WDR87: variants seen among roughly 807,000 people sequenced by gnomAD.
WDR87 encodes WD repeat-containing protein 87.
WDR87 carries 56 observed loss-of-function variants against 83.3 expected under a neutral mutation model. The observed-to-expected ratio is 0.67, with a 90% CI of 0.54 to 0.84. The LOEUF is 0.84. WDR87 is among the 40% of genes least tolerant of loss of function. The probability of loss-of-function intolerance (pLI) is 0.00; values close to 1 mark genes in which losing one functional copy is unlikely to be tolerated. For missense variants in WDR87, 2,939 were observed against 3,431.9 expected, an observed-to-expected ratio of 0.86 and a Z score of 3.59; for synonymous variants, 1,173 against 1,250.6, an observed-to-expected ratio of 0.94 and a Z score of 1.31.
chr19:37,886,532 T>C lies in WDR87; in HGVS notation c.7139A>G (p.Lys2380Arg). 1.3e-6 allele frequency: 2 copies of C among 1,502,836 alleles called. No individual in the cohort carries two copies. Among genetic ancestry groups the C allele is most frequent in the Non-Finnish European group, 1.8e-6 (2 of 1,131,336 alleles). 93.1% of individuals were successfully genotyped at this position (1,502,836 alleles called of 1,614,324 possible). A position where few individuals can be genotyped will look rare whatever the true frequency, so the allele number is the denominator to read the frequency against. ...CSLEEEVDREKEILKKEKQFK... is the reference protein window; with the variant it reads ...CSLEEEVDREREILKKEKQFK... ...TTGTTTTTCTTTTTTTAAGATCTCTTTTTCCCTGTCCACCTCTTCTTCCAA... is the reference window on the plus strand; with the variant it reads ...TTGTTTTTCTTTTTTTAAGATCTCTCTTTCCCTGTCCACCTCTTCTTCCAA... The change falls in exon 6 of 6, where the codon AAA becomes AGA. Residue 2380 changes from lysine to arginine, a missense_variant. Physicochemically the swap from Lys to Arg is conservative, Grantham distance 26. Transcript: ENST00000447313.
chr19:37,889,465 G>C lies in WDR87; in HGVS notation c.4206C>G (p.Thr1402=), dbSNP rs1297681747. 3.9e-6 allele frequency: 6 copies of C among 1,551,482 alleles called. No homozygotes were observed. Among genetic ancestry groups the C allele is most frequent in the African/African-American group, 2.7e-5 (2 of 72,958 alleles). The change falls in exon 6 of 6, where the codon ACC becomes ACG. Residue 1402 remains threonine (T), a synonymous_variant. Coordinates refer to ENST00000447313, the MANE Select transcript of WDR87 (RefSeq NM_001291088.2). The part of the protein sequence containing the change: ...KARDMLGLEE[T]QVILKKGKKV... ...TCTTGCCCTTTTTCAAAATCACTTG[G>C]GTTTCCTCCAAGCCCAGCATGTCTC... is the stretch of plus-strand genomic sequence containing the variant.
Position 37,893,595 on chromosome 19 carries a change from A to G in WDR87, c.2108T>C (p.Ile703Thr), listed in dbSNP as rs1477387873. 5 of 1,552,044 alleles carry G rather than the reference A, an allele frequency of 3.2e-6. No individual in the cohort carries two copies. Among genetic ancestry groups the G allele is most frequent in the Middle Eastern group, 1.7e-4 (1 of 5,994 alleles). ...CTCAAAGGAGAAGAAGAAGCTTGGTATGAAAGGCTTAGGGACTTCCAGTAC... is the reference window on the plus strand; with the variant it reads ...CTCAAAGGAGAAGAAGAAGCTTGGTGTGAAAGGCTTAGGGACTTCCAGTAC... ...DEVLEVPKPF[I>T]PSFFFSFETM... The change falls in exon 4 of 6, where the codon ATA (isoleucine) becomes ACA (threonine). Residue 703 changes from isoleucine to threonine, a missense_variant. Transcript: ENST00000447313.
chr19:37,906,107 C>T (rs1158346071), intron 1 of WDR87, among the ~76,000 whole-genome samples: 2 of 152,182 alleles, frequency 1.3e-5, no homozygotes, highest in East Asian at 3.8e-4. Flanking sequence ...TTGACTCCGG[C>T]TTCTCCACCA....
intron 1 of WDR87, 130 bp from the exon 2 acceptor site, chr19:37,898,415 C>G: frequency 3.4e-6 from 4 of 1,191,538 alleles, no homozygotes; most frequent in Non-Finnish European, 4.5e-6. Context: ...ACAAGACATA[C>G]CTTCTCATTT....
chr19:37,898,392 T>G, intron 1 of WDR87, 107 bp from the exon 2 acceptor site: 1 of 1,374,004 alleles, frequency 7.3e-7, no homozygotes, highest in East Asian at 2.5e-5. Context: ...CTTCTGAAAG[T>G]CAGGAACTGT....
At chr19:37,905,141 A>G (rs1339733775) in intron 1 of WDR87, among the ~76,000 whole-genome samples, 4 of 151,382 alleles carry the variant, frequency 2.6e-5, no homozygotes, top group Non-Finnish European at 5.9e-5. Flanking sequence ...CTGAGGCAGG[A>G]GAGTCACTTG....
chr19:37,888,926 T>A lies in WDR87; in HGVS notation c.4745A>T (p.Glu1582Val), dbSNP rs182325197. 286 of 1,552,278 alleles carry A rather than the reference T, an allele frequency of 1.8e-4. No homozygotes were observed. In the African/African-American group the frequency reaches 3.5e-3, roughly 19 times the overall value. Residue 1582 changes from glutamate to valine, a missense_variant, in exon 6 of 6, where the codon GAA becomes GTA. Physicochemically the swap from Glu to Val is moderately radical, Grantham distance 121 (BLOSUM62 -2). This residue lies in a region of WDR87 where 2,160 missense variants were observed against 2,533.1 expected (regional missense o/e 0.85). Transcript: ENST00000447313. The part of the protein sequence containing the change: ...SKEQQYKDEE[E>V]VTLEEEVSRE... ...AGACACTTCTTCCTCCAAAGTCACT[T>A]CTTCCTCATCCTTGTACTGTTGCTC... is the stretch of plus-strand genomic sequence containing the variant.
Position 37,885,766 on chromosome 19 carries a change from T to C in WDR87, c.7905A>G (p.Pro2635=). 1 of 1,551,772 alleles carries C rather than the reference T, an allele frequency of 6.4e-7. No homozygotes were observed. The highest frequency in any genetic ancestry group is 8.7e-7 in the Non-Finnish European group (1 of 1,147,000). The change falls in exon 6 of 6, where the codon CCA becomes CCG. Residue 2635 remains proline, a synonymous_variant. Coordinates refer to ENST00000447313, the MANE Select transcript of WDR87 (RefSeq NM_001291088.2). ...TRISSRQSMS[P]KYLKVIPPIK... Reference sequence around the variant, plus strand: ...TAGGAGGAATCACTTTCAGGTATTTTGGACTCATGGACTGTCTACTTGAGA... The same window carrying C: ...TAGGAGGAATCACTTTCAGGTATTTCGGACTCATGGACTGTCTACTTGAGA...
Position 37,893,682 on chromosome 19 carries a change from C to T in WDR87, c.2021G>A (p.Cys674Tyr), listed in dbSNP as rs2046227814. Residue 674 changes from cysteine (C) to tyrosine (Y), a missense_variant, in exon 4 of 6, where the codon TGT becomes TAT. Cys to Tyr is a radical substitution (Grantham distance 194). Coordinates refer to ENST00000447313, the MANE Select transcript of WDR87 (RefSeq NM_001291088.2). The part of the protein sequence containing the change: ...TFNQSLYLVS[C>Y]LKLLPPALLT... The stretch of plus-strand genomic sequence containing the variant: ...CAGGGCTGGGGGAAGCAATTTTAAA[C>T]AGGACACTAGGTAAAGACTCTGGTT... 1 of 1,552,016 alleles carries T rather than the reference C, an allele frequency of 6.4e-7. No homozygotes were observed. Among genetic ancestry groups the T allele is most frequent in the Non-Finnish European group, 8.7e-7 (1 of 1,147,104 alleles).
Position 37,886,806 on chromosome 19 carries a change from C to A in WDR87, c.6865G>T (p.Glu2289Ter). ...QESLSSEEEE[E>*]REEEEEREEE... ...TCCCTTTCCTCTTCTTCCTCCCTTT[C>A]CTCCTCCTCCTCAGAAGACAAACTC... The change falls in exon 6 of 6, where the codon GAA becomes TAA. Residue 2289 changes from glutamate to a stop codon, truncating the protein, a stop_gained. Transcript: ENST00000447313. LOFTEE classifies it low-confidence loss of function (END_TRUNC). The A allele has an allele frequency of 6.5e-7, 1 of 1,545,570 alleles. No homozygotes were observed. Among genetic ancestry groups the A allele is most frequent in the Non-Finnish European group, 8.7e-7 (1 of 1,144,168 alleles).
In WDR87 at chr19:37,886,769, T is replaced by C. The variant is rs7252765; in HGVS notation, c.6902A>G (p.Glu2301Gly). 1.3e-6 allele frequency: 2 copies of C among 1,486,138 alleles called. No individual in the cohort carries two copies. Among genetic ancestry groups the C allele is most frequent in the Non-Finnish European group, 1.8e-6 (2 of 1,101,754 alleles). The allele number at this position is 1,486,138 out of a possible 1,614,324, so 92.1% of individuals were successfully genotyped here. A position where few individuals can be genotyped will look rare whatever the true frequency, so the allele number is the denominator to read the frequency against. ...EEEEEREEEE[E>G]REEEEERKEE... ...CTTCCTTTCCTCCTCCTCCTCCCTT[T>C]CCTCCTCCTCCTCCCTTTCCTCTTC... Residue 2301 changes from glutamate (E) to glycine (G), a missense_variant, in exon 6 of 6, where the codon GAA (glutamate) becomes GGA (glycine). Coordinates refer to ENST00000447313, the MANE Select transcript of WDR87 (RefSeq NM_001291088.2).
chr19:37,887,765 A>G lies in WDR87; in HGVS notation c.5906T>C (p.Leu1969Ser), dbSNP rs1176283807. 1 of 1,551,770 alleles carries G rather than the reference A, an allele frequency of 6.4e-7. No homozygotes were observed. Among genetic ancestry groups the G allele is most frequent in the Non-Finnish European group, 8.7e-7 (1 of 1,147,072 alleles). Residue 1969 changes from leucine to serine, a missense_variant, in exon 6 of 6, where the codon TTG becomes TCG. Physicochemically the swap from Leu to Ser is moderately radical, Grantham distance 145. This residue lies in a region of WDR87 where 2,160 missense variants were observed against 2,533.1 expected (regional missense o/e 0.85). Transcript: ENST00000447313. The stretch of plus-strand genomic sequence containing the variant: ...AGCTAATTTCATTTTTTCCTGGGCC[A>G]ATTTCTCCTGTTTTTTGGCCAAACT... ...EDSLAKKQEK[L>S]AQEKMKLALE...
At chr19:37,892,339 G>A (rs1026161738) in intron 4 of WDR87, among the ~76,000 whole-genome samples, 7 of 152,140 alleles carry the variant, frequency 4.6e-5, no homozygotes, top group South Asian at 4.2e-4. Context: ...AGCCAAGATC[G>A]CGCCACTACA....
chr19:37,903,200 T>C (rs2046303387), intron 1 of WDR87, among the ~76,000 whole-genome samples: 1 of 152,056 alleles, frequency 6.6e-6, no homozygotes, highest in Non-Finnish European at 1.5e-5. Flanking sequence ...CCAGCTGATA[T>C]CAGAAGGGCC....
chr19:37,898,482 T>C (rs1476364057), intron 1 of WDR87, among the ~76,000 whole-genome samples, 197 bp from the exon 2 acceptor site: 1 of 152,202 alleles, frequency 6.6e-6, no homozygotes, highest in African/African-American at 2.4e-5. Context: ...ATGAGAAAAC[T>C]GAGGCTTGGA....
Position 37,885,307 on chromosome 19 carries a change from AG to A in WDR87, c.8363del (p.Ala2788ValfsTer28). On this transcript the variant is annotated frameshift_variant, in exon 6 of 6. Transcript: ENST00000447313. LOFTEE classifies it low-confidence loss of function (END_TRUNC). ...TGAGCTGGTAGAACTGTTCCATCCA[AG>A]CAGTGCTGTCTTTTGGATATCGCTG... ...LQQRYPKDST[A>X]WMEQFYQLMD... 2 of 1,550,856 alleles carry A rather than the reference AG, an allele frequency of 1.3e-6. No individual in the cohort carries two copies. Among genetic ancestry groups the A allele is most frequent in the Non-Finnish European group, 1.7e-6 (2 of 1,146,568 alleles).
At position 37,891,673 on chromosome 19, in the gene WDR87, A is replaced by G; in HGVS notation, c.3273T>C (p.Asp1091=). The change falls in exon 5 of 6, where the codon GAT becomes GAC. Residue 1091 remains aspartate, a synonymous_variant. Transcript: ENST00000447313. The stretch of plus-strand genomic sequence containing the variant: ...ATTTAAGTTCAGAAGGCATTGAGAC[A>G]TCTAAAGAAAAAGCCGGCTTTTCAT... The part of the protein sequence containing the change: ...HRDEKPAFSL[D]VSMPSELKSS... The G allele has an allele frequency of 6.4e-7, 1 of 1,551,872 alleles. No individual in the cohort carries two copies. Among genetic ancestry groups the G allele is most frequent in the South Asian group, 1.2e-5 (1 of 84,064 alleles).
chr19:37,889,560 C>A lies in WDR87; in HGVS notation c.4111G>T (p.Val1371Leu), dbSNP rs764797587. 3.2e-5 allele frequency: 49 copies of A among 1,551,668 alleles called. No homozygotes were observed. The highest frequency in any genetic ancestry group is 3.7e-5 in the Non-Finnish European group (43 of 1,147,042). Reference sequence around the variant, plus strand: ...TTGTGTCTGATCACCTCTTGGGTCACACCTTGTATCATGTCCTCTCTAATT... The same window carrying A: ...TTGTGTCTGATCACCTCTTGGGTCAAACCTTGTATCATGTCCTCTCTAATT... Reference protein sequence around the residue: ...GAIREDMIQGVTQEVIRHKEV... With the variant: ...GAIREDMIQGLTQEVIRHKEV... Residue 1371 changes from valine to leucine, a missense_variant, in exon 6 of 6, where the codon GTG (valine) becomes TTG (leucine). Transcript: ENST00000447313.
chr19:37,890,347 G>C (rs914595329), intron 5 of WDR87, 71 bp from the exon 6 acceptor site: 52 of 1,439,136 alleles, frequency 3.6e-5, no homozygotes, highest in Non-Finnish European at 4.6e-5. Flanking sequence ...CCAATATTAG[G>C]TGTGAGCTAA....
Sources: gnomAD v4.1 joint callset for allele counts (sites outside exome capture counted in the v4.1 genomes callset) on GRCh38, gnomAD v4.1.1 for gene constraint, gnomAD v4.1.1 regional missense constraint, MANE v1.5 for transcripts, NCBI Gene and HGNC (gene_info 2026-07-23, HGNC 2026-07-21) for gene names.